IDO2: variants seen among roughly 807,000 people sequenced by gnomAD.
The protein encoded by IDO2 is indoleamine 2,3-dioxygenase-like 1 protein.
Under a neutral mutation model 45.1 loss-of-function variants are expected in IDO2, and 46 were observed. The ratio of observed to expected loss-of-function variants is 1.02; its 90% CI spans 0.80 to 1.30. The LOEUF is 1.30. Among genes scored for constraint, IDO2 ranks in the 50% most tolerant of loss-of-function variants. IDO2 has a pLI of 0.00. For synonymous variants in IDO2, 218 were observed against 184.9 expected (o/e 1.18, Z -1.45); for missense variants, 544 against 491.8 (o/e 1.11, Z -1.00).
At chr8:39,989,942 C>A (rs1368284303) in intron 8 of IDO2, 104 bp downstream of exon 8, 2 of 650,068 alleles carry the variant, frequency 3.1e-6, no homozygotes, top group South Asian at 2.1e-5. Flanking sequence ...GGTGATAATA[C>A]ATTCATCCAC....
intron 3 of IDO2, among the ~76,000 whole-genome samples, chr8:39,966,846 G>A (rs1421261631): frequency 6.6e-6 from 1 of 152,088 alleles, no homozygotes. Flanking sequence ...CAAATAATAT[G>A]GAAAAAATGG....
At chr8:39,944,579 G>A (rs1010437656) in intron 1 of IDO2, among the ~76,000 whole-genome samples, 1 of 152,172 alleles carries the variant, frequency 6.6e-6, no homozygotes, top group South Asian at 2.1e-4. Context: ...GTAAGATACT[G>A]TGGCAAGCTA....
At chr8:39,967,731 A>G (rs1585404123) in intron 3 of IDO2, among the ~76,000 whole-genome samples, 1 of 152,088 alleles carries the variant, frequency 6.6e-6, no homozygotes, top group African/African-American at 2.4e-5. Context: ...CAGGTGATCC[A>G]CCCGCCTTGG....
At chr8:39,959,806 T>G (rs1205489632) in intron 2 of IDO2, among the ~76,000 whole-genome samples, 1 of 152,186 alleles carries the variant, frequency 6.6e-6, no homozygotes, top group African/African-American at 2.4e-5. Flanking sequence ...GGTGAAACTG[T>G]GCCTCAAAAT....
intron 3 of IDO2, among the ~76,000 whole-genome samples, chr8:39,978,491 C>T (rs1042199206): frequency 1.3e-5 from 2 of 152,116 alleles, no homozygotes; most frequent in African/African-American, 4.8e-5. Context: ...CTTTACGCGT[C>T]ACAGTGATGC....
At chr8:39,991,768 G>A (rs566840100) in intron 8 of IDO2, among the ~76,000 whole-genome samples, 2 of 151,886 alleles carry the variant, frequency 1.3e-5, no homozygotes, top group Admixed American at 1.3e-4. Flanking sequence ...ATGGGGTTTC[G>A]CCATGTTGGC....
chr8:39,993,142 G>T (rs535465854), intron 8 of IDO2, among the ~76,000 whole-genome samples: 3 of 152,058 alleles, frequency 2.0e-5, no homozygotes, highest in African/African-American at 7.2e-5. Flanking sequence ...GCTTTCCAGC[G>T]ACTCAGCCAG....
chr8:39,956,453 C>T lies in IDO2; in HGVS notation c.100-7155C>T, dbSNP rs140856110. On this transcript the variant is annotated intron_variant, in intron 2 of 10. Coordinates refer to ENST00000502986, the Ensembl canonical transcript of IDO2. ...CTCTTCAGACTACAGACATTTTAGG[C>T]TATAAGTTTTGAATTACATTTTCTA... 5.3e-5 allele frequency among the ~76,000 whole-genome samples: 8 copies of T among 152,298 alleles called. No homozygotes were observed. The East Asian group carries it at 1.3e-3, about 26-fold the overall frequency.
At chr8:40,014,485 C>T (rs1463344521) in intron 10 of IDO2, among the ~76,000 whole-genome samples, 1 of 152,048 alleles carries the variant, frequency 6.6e-6, no homozygotes, top group Non-Finnish European at 1.5e-5. Flanking sequence ...ATCTTTTTTG[C>T]CTTCACGGGC....
exon 2 of IDO2, chr8:39,949,251 T>C: frequency 6.3e-7 from 1 of 1,591,218 alleles, no homozygotes; most frequent in East Asian, 2.3e-5. Flanking sequence ...GGCTTTCTTC[T>C]TCCAGATTCT....
At position 40,012,295 on chromosome 8, in the gene IDO2, G is replaced by A. The variant is rs114562411; in HGVS notation, c.720-1270G>A. Among the ~76,000 whole-genome samples the A allele has an allele frequency of 1.3e-3, 198 of 152,268 alleles. 1 individual carries two copies. Among genetic ancestry groups the A allele is most frequent in the African/African-American group, 4.6e-3 (189 of 41,522 alleles). On this transcript the variant is annotated intron_variant, in intron 9 of 10. Coordinates refer to ENST00000502986, the Ensembl canonical transcript of IDO2. ...GTTTCTGGCTATAGGAGGAAAAGAC[G>A]ATATTCCTTAGTAAAAATGGAAATC...
exon 3 of IDO2, chr8:39,963,664 A>G: frequency 6.2e-7 from 1 of 1,612,424 alleles, no homozygotes; most frequent in Non-Finnish European, 8.5e-7. Context: ...AACTTCCTCA[A>G]TTGATTGATG....
chr8:39,948,684 T>A (rs912852498), intron 1 of IDO2, among the ~76,000 whole-genome samples: 2 of 152,216 alleles, frequency 1.3e-5, no homozygotes, highest in Non-Finnish European at 2.9e-5. Context: ...ATTAAATCTT[T>A]GCGGCAATTT....
At chr8:39,974,738 T>C (rs1434294413) in intron 3 of IDO2, among the ~76,000 whole-genome samples, 2 of 152,194 alleles carry the variant, frequency 1.3e-5, no homozygotes, top group Admixed American at 6.5e-5. Flanking sequence ...CTGGCCAATA[T>C]GGTGAAAACT....
intron 4 of IDO2, among the ~76,000 whole-genome samples, chr8:39,982,003 T>C (rs908523854): frequency 2.0e-5 from 3 of 152,148 alleles, no homozygotes; most frequent in African/African-American, 7.2e-5. Flanking sequence ...ACGGAGTCAG[T>C]TTCCCCACAG....
chr8:39,951,823 A>C (rs1372504879), intron 2 of IDO2, among the ~76,000 whole-genome samples: 1 of 152,218 alleles, frequency 6.6e-6, no homozygotes, highest in South Asian at 2.1e-4. Context: ...CAAATGAGCT[A>C]AACATGACGT....
Position 39,988,476 on chromosome 8 carries a change from G to C in IDO2, c.549+506G>C, listed in dbSNP as rs1170685555. On this transcript the variant is annotated intron_variant, in intron 7 of 10. Coordinates refer to ENST00000502986, the Ensembl canonical transcript of IDO2. ...ATTTCTGCCTTCGCTCTGTCGCTCA[G>C]GCCAGAGTGCAATGGCGTGGTTTTA... Among the ~76,000 whole-genome samples, 4 of 152,196 alleles carry C rather than the reference G, an allele frequency of 2.6e-5. No homozygotes were observed. The East Asian group carries it at 7.7e-4, about 29-fold the overall frequency.
intron 3 of IDO2, among the ~76,000 whole-genome samples, chr8:39,974,724 C>T (rs1808233774): frequency 6.6e-6 from 1 of 152,206 alleles, no homozygotes; most frequent in African/African-American, 2.4e-5. Flanking sequence ...AGATCTAGAC[C>T]ATCCTGGCCA....
At chr8:39,939,718 C>T (rs1368062171) in intron 1 of IDO2, among the ~76,000 whole-genome samples, 1 of 145,714 alleles carries the variant, frequency 6.9e-6, no homozygotes, top group Non-Finnish European at 1.5e-5. Flanking sequence ...AAAAAGTAGG[C>T]TGCAATGCCA....
Sources: gnomAD v4.1 joint callset for allele counts (sites outside exome capture counted in the v4.1 genomes callset) on GRCh38, gnomAD v4.1.1 for gene constraint, MANE v1.5 for transcripts, NCBI Gene and HGNC (gene_info 2026-07-23, HGNC 2026-07-21) for gene names.